PAK2: variants seen among roughly 807,000 people sequenced by gnomAD.
PAK2 encodes p21 (RAC1) activated kinase 2.
A neutral mutation model predicts 65.9 loss-of-function variants in PAK2; 21 were observed. The observed-to-expected ratio is 0.32, with a 90% CI of 0.23 to 0.46. The LOEUF (loss-of-function observed/expected upper bound fraction) is 0.46, where lower values mean the gene tolerates loss of function less well. PAK2 is among the 20% of genes least tolerant of loss of function. PAK2 has a pLI of 1.00. For missense variants in PAK2, 324 were observed against 642.6 expected, an observed-to-expected ratio of 0.50 and a Z score of 5.36; for synonymous variants, 204 against 219.7, an observed-to-expected ratio of 0.93 and a Z score of 0.63.
intron 14 of PAK2, 65 bp downstream of exon 14, chr3:196,827,398 T>C: frequency 6.4e-7 from 1 of 1,557,034 alleles, no homozygotes; most frequent in African/African-American, 1.4e-5. Flanking sequence ...CAGAAAGCTT[T>C]CCTAGGGCTA....
intron 1 of PAK2, among the ~76,000 whole-genome samples, chr3:196,751,695 A>AT (rs201718807): frequency 6.4e-4 from 42 of 65,544 alleles, no homozygotes; most frequent in African/African-American, 1.3e-3. Flanking sequence ...ATATATATAT[A>AT]ATTCAGGCTA....
At chr3:196,752,266 T>C (rs1290645760) in intron 1 of PAK2, among the ~76,000 whole-genome samples, 1 of 152,228 alleles carries the variant, frequency 6.6e-6, no homozygotes, top group African/African-American at 2.4e-5. Context: ...TATCAATGTT[T>C]TCTTTTTTTG....
intron 1 of PAK2, among the ~76,000 whole-genome samples, chr3:196,747,985 T>C (rs843539): frequency 0.47 from 70,718 of 151,858 alleles, 16,959 homozygotes; most frequent in Non-Finnish European, 0.53. Context: ...CTTCCTGCCC[T>C]TCAGTGTGTT....
chr3:196,745,795 C>G (rs1052878447), intron 1 of PAK2, among the ~76,000 whole-genome samples: 1 of 143,002 alleles, frequency 7.0e-6, no homozygotes, highest in Non-Finnish European at 1.5e-5. Flanking sequence ...GCCTGGGCAA[C>G]AGAACGAGAC....
At position 196,804,832 on chromosome 3, in the gene PAK2, T is replaced by TACAC. The variant is rs1553807533; in HGVS notation, c.437-519_437-518insCACA. 6.1e-3 allele frequency among the ~76,000 whole-genome samples: 490 copies of TACAC among 80,380 alleles called. 3 individuals are homozygous for TACAC. Among genetic ancestry groups the TACAC allele is most frequent in the African/African-American group, 0.02 (431 of 21,588 alleles). 52.7% of individuals were successfully genotyped at this position (80,380 alleles called of 152,430 possible). On this transcript the variant is annotated intron_variant, in intron 4 of 14. Coordinates refer to ENST00000327134, the MANE Select transcript of PAK2 (RefSeq NM_002577.4). ...ATATATATATATATATATACACATATATATATATATATACACACACACATA... is the reference window on the plus strand; with the variant it reads ...ATATATATATATATATATACACATATACACATATATATATATACACACACACATA...
chr3:196,776,788 T>C (rs564495613), intron 1 of PAK2, among the ~76,000 whole-genome samples: 25 of 152,314 alleles, frequency 1.6e-4, no homozygotes, highest in African/African-American at 5.8e-4. Flanking sequence ...AGAGAGTCAA[T>C]TGGTTTAATG....
At chr3:196,827,774 C>G (rs1449870657) in intron 14 of PAK2, among the ~76,000 whole-genome samples, 1 of 152,202 alleles carries the variant, frequency 6.6e-6, no homozygotes, top group African/African-American at 2.4e-5. Flanking sequence ...AGGGTTTCAT[C>G]TGCTGTGAAT....
chr3:196,752,067 T>G (rs1713621468), intron 1 of PAK2, among the ~76,000 whole-genome samples: 1 of 152,148 alleles, frequency 6.6e-6, no homozygotes, highest in South Asian at 2.1e-4. Context: ...TATTTAGATT[T>G]GGGTCTCATC....
chr3:196,762,654 T>A (rs1714020903), intron 1 of PAK2, among the ~76,000 whole-genome samples: 1 of 150,966 alleles, frequency 6.6e-6, no homozygotes, highest in Non-Finnish European at 1.5e-5. Flanking sequence ...CAGCTTCGGC[T>A]CCGCATGAGA....
At chr3:196,758,778 C>T (rs1316525479) in intron 1 of PAK2, among the ~76,000 whole-genome samples, 4 of 152,152 alleles carry the variant, frequency 2.6e-5, no homozygotes, top group Non-Finnish European at 4.4e-5. Flanking sequence ...GCCTCAGCCT[C>T]CTGAGTAGCT....
intron 2 of PAK2, among the ~76,000 whole-genome samples, chr3:196,789,755 G>A (rs1224533347): frequency 1.3e-5 from 2 of 152,186 alleles, no homozygotes; most frequent in South Asian, 2.1e-4. Context: ...GTGAGCCACC[G>A]TGCCTGGCCG....
intron 13 of PAK2, among the ~76,000 whole-genome samples, chr3:196,825,632 G>C (rs1375156864): frequency 2.6e-5 from 4 of 152,046 alleles, no homozygotes; most frequent in Non-Finnish European, 5.9e-5. Flanking sequence ...CACAGAGCCA[G>C]ACTCCGTCTC....
intron 1 of PAK2, among the ~76,000 whole-genome samples, chr3:196,748,521 C>A (rs1156301053): frequency 6.6e-6 from 1 of 152,206 alleles, no homozygotes; most frequent in African/African-American, 2.4e-5. Flanking sequence ...ACCGCTGATC[C>A]TTTTACTACC....
intron 2 of PAK2, among the ~76,000 whole-genome samples, chr3:196,790,582 C>A (rs936900643): frequency 3.3e-5 from 5 of 152,120 alleles, no homozygotes; most frequent in Non-Finnish European, 7.3e-5. Context: ...TTTCAGATTT[C>A]TCCAAAGCTA....
intron 1 of PAK2, among the ~76,000 whole-genome samples, chr3:196,763,063 A>AC (rs761836864): frequency 2.6e-5 from 4 of 151,784 alleles, no homozygotes; most frequent in South Asian, 2.1e-4. Context: ...GCTGAGATAG[A>AC]CCCCCCACCC....
intron 5 of PAK2, 133 bp from the exon 6 acceptor site, chr3:196,806,446 G>C (rs1252175577): frequency 8.3e-6 from 5 of 605,824 alleles, no homozygotes; most frequent in Non-Finnish European, 1.5e-5. Context: ...AGTTATCTAA[G>C]AGCTAATGAG....
intron 1 of PAK2, among the ~76,000 whole-genome samples, chr3:196,780,618 T>G (rs986915239): frequency 2.0e-5 from 3 of 152,192 alleles, no homozygotes; most frequent in Non-Finnish European, 4.4e-5. Flanking sequence ...CCAAACCATA[T>G]CACTCCCAGA....
At chr3:196,802,123 G>A (rs1715438875) in intron 3 of PAK2, 96 bp downstream of exon 3, 1 of 746,838 alleles carries the variant, frequency 1.3e-6, no homozygotes, top group South Asian at 1.5e-5. Context: ...TTCAGGCCAG[G>A]TGCGGTGGCA....
chr3:196,744,928 TTTTC>T (rs200871803), intron 1 of PAK2, among the ~76,000 whole-genome samples: 1,188 of 106,758 alleles, frequency 0.011, 37 homozygotes, highest in East Asian at 0.11. Context: ...TAAATTTCTT[TTTTC>T]TTTTTTTTTT....
Sources: gnomAD v4.1 joint callset for allele counts (sites outside exome capture counted in the v4.1 genomes callset) on GRCh38, gnomAD v4.1.1 for gene constraint, MANE v1.5 for transcripts, NCBI Gene and HGNC (gene_info 2026-07-23, HGNC 2026-07-21) for gene names.